Variants in SPOCK3 observed in about 807,000 individuals in gnomAD.
The protein encoded by SPOCK3 is testican-3.
Under a neutral mutation model 56.6 loss-of-function variants are expected in SPOCK3, and 30 were observed. That is an observed-to-expected ratio of 0.53 (90% CI 0.40 to 0.72). SPOCK3 has a LOEUF of 0.72. Ranked by LOEUF, SPOCK3 falls within the 30% of genes least tolerant of loss-of-function variation. The pLI is 0.00. For missense variants in SPOCK3, 527 were observed against 530.0 expected, an observed-to-expected ratio of 0.99 and a Z score of 0.06; for synonymous variants, 196 against 183.3, an observed-to-expected ratio of 1.07 and a Z score of -0.56.
chr4:167,015,993 A>G (rs144969158), intron 3 of SPOCK3, among the ~76,000 whole-genome samples: 8 of 152,292 alleles, frequency 5.3e-5, no homozygotes, highest in Non-Finnish European at 1.0e-4. Context: ...TTTTGTTAAA[A>G]AAAGTATTTA....
intron 7 of SPOCK3, among the ~76,000 whole-genome samples, chr4:166,786,525 A>T (rs1740745893): frequency 6.6e-6 from 1 of 152,142 alleles, no homozygotes; most frequent in Non-Finnish European, 1.5e-5. Context: ...AAAAAATATC[A>T]TGGCTTAATT....
At chr4:167,108,873 T>C (rs1288463343) in intron 2 of SPOCK3, among the ~76,000 whole-genome samples, 1 of 145,262 alleles carries the variant, frequency 6.9e-6, no homozygotes, top group African/African-American at 2.5e-5. Flanking sequence ...TACTCTGATG[T>C]GATTATTTTA....
At chr4:167,012,714 T>C (rs564488852) in intron 3 of SPOCK3, among the ~76,000 whole-genome samples, 1 of 152,006 alleles carries the variant, frequency 6.6e-6, no homozygotes, top group African/African-American at 2.4e-5. Context: ...AGCTTATTTG[T>C]GTGCTCTCAC....
intron 6 of SPOCK3, among the ~76,000 whole-genome samples, chr4:166,854,847 C>G (rs891241004): frequency 6.6e-6 from 1 of 152,148 alleles, no homozygotes; most frequent in Non-Finnish European, 1.5e-5. Flanking sequence ...TGCATTTTTT[C>G]TGTTGATCAA....
intron 6 of SPOCK3, among the ~76,000 whole-genome samples, chr4:166,822,663 A>C (rs949457583): frequency 6.6e-6 from 1 of 152,068 alleles, no homozygotes; most frequent in African/African-American, 2.4e-5. Flanking sequence ...AACAGGATTG[A>C]AATCCTGATA....
chr4:167,161,664 G>T (rs1376431918), intron 2 of SPOCK3, among the ~76,000 whole-genome samples: 1 of 152,046 alleles, frequency 6.6e-6, no homozygotes, highest in Non-Finnish European at 1.5e-5. Flanking sequence ...TGATAGACTG[G>T]ATTAAGAAAA....
At chr4:166,839,603 A>T (rs776929759) in intron 6 of SPOCK3, among the ~76,000 whole-genome samples, 2 of 152,168 alleles carry the variant, frequency 1.3e-5, no homozygotes, top group Non-Finnish European at 2.9e-5. Flanking sequence ...TGGCCAGCAC[A>T]TCACGGAGAA....
chr4:166,916,313 T>C (rs1737845189), intron 4 of SPOCK3, among the ~76,000 whole-genome samples: 1 of 152,108 alleles, frequency 6.6e-6, no homozygotes, highest in South Asian at 2.1e-4. Flanking sequence ...ATTCATACTA[T>C]TGCTAGCGTT....
chr4:166,775,313 A>T (rs559047734), intron 7 of SPOCK3, among the ~76,000 whole-genome samples: 1 of 152,204 alleles, frequency 6.6e-6, no homozygotes, highest in African/African-American at 2.4e-5. Flanking sequence ...TTACCTAGAG[A>T]TCACCCATTT....
chr4:167,143,197 G>A (rs147754681), intron 2 of SPOCK3, among the ~76,000 whole-genome samples: 7 of 151,824 alleles, frequency 4.6e-5, no homozygotes, highest in African/African-American at 1.5e-4. Context: ...CAAATACATC[G>A]GTTCTGTCCA....
intron 4 of SPOCK3, among the ~76,000 whole-genome samples, chr4:166,975,112 G>A (rs904005150): frequency 7.9e-5 from 12 of 152,136 alleles, no homozygotes; most frequent in Non-Finnish European, 1.6e-4. Context: ...TACAGCATGA[G>A]GCCCTCCACA....
intron 4 of SPOCK3, among the ~76,000 whole-genome samples, chr4:166,922,212 G>T (rs777288947): frequency 9.2e-5 from 14 of 152,108 alleles, no homozygotes; most frequent in Admixed American, 9.2e-4. Flanking sequence ...CAAAAAGATT[G>T]GGGACCGCTG....
intron 2 of SPOCK3, among the ~76,000 whole-genome samples, chr4:167,067,517 A>G (rs904610912): frequency 5.3e-5 from 8 of 151,938 alleles, no homozygotes; most frequent in Admixed American, 3.3e-4. Flanking sequence ...ATGACAGTCC[A>G]GTTCTGGGTG....
At chr4:167,095,715 T>C (rs999849726) in intron 2 of SPOCK3, among the ~76,000 whole-genome samples, 1 of 151,796 alleles carries the variant, frequency 6.6e-6, no homozygotes, top group African/African-American at 2.4e-5. Context: ...AATGATTCAG[T>C]TCTGTGAATG....
At chr4:167,124,751 T>C (rs1376056825) in intron 2 of SPOCK3, among the ~76,000 whole-genome samples, 1 of 152,208 alleles carries the variant, frequency 6.6e-6, no homozygotes. Context: ...CCCTCAATTG[T>C]CTTCACAGTT....
At chr4:167,013,531 T>C (rs1193362924) in intron 3 of SPOCK3, among the ~76,000 whole-genome samples, 1 of 151,088 alleles carries the variant, frequency 6.6e-6, no homozygotes, top group Non-Finnish European at 1.5e-5. Context: ...TTTATAAAAC[T>C]ATTGTATTAT....
chr4:166,943,039 T>A (rs1741295062), intron 4 of SPOCK3, among the ~76,000 whole-genome samples: 1 of 152,208 alleles, frequency 6.6e-6, no homozygotes, highest in South Asian at 2.1e-4. Flanking sequence ...AGTTTTTGTG[T>A]CATTTTAACA....
At chr4:166,918,587 G>T (rs1459874818) in intron 4 of SPOCK3, 1 of 152,028 alleles carries the variant, frequency 6.6e-6, no homozygotes, top group Non-Finnish European at 1.5e-5. Flanking sequence ...TCTGCAATAT[G>T]AATAACAACC....
chr4:166,944,614 T>C (rs1467990302), intron 4 of SPOCK3, among the ~76,000 whole-genome samples: 1 of 152,186 alleles, frequency 6.6e-6, no homozygotes, highest in Non-Finnish European at 1.5e-5. Flanking sequence ...TGTAGAATGT[T>C]TCTCAGTTTG....
Sources: gnomAD v4.1 joint callset for allele counts (sites outside exome capture counted in the v4.1 genomes callset) on GRCh38, gnomAD v4.1.1 for gene constraint, MANE v1.5 for transcripts, NCBI Gene and HGNC (gene_info 2026-07-23, HGNC 2026-07-21) for gene names.